Variants in DNER observed in about 807,000 individuals in gnomAD.
DNER encodes the protein delta/notch like EGF repeat containing.
DNER carries 33 observed loss-of-function variants against 78.2 expected under a neutral mutation model. The observed-to-expected ratio is 0.42, with a 90% CI of 0.32 to 0.56. The LOEUF (loss-of-function observed/expected upper bound fraction) is 0.56, where lower values mean the gene tolerates loss of function less well. DNER is among the 20% of genes least tolerant of loss of function. The pLI, the probability that DNER is intolerant of heterozygous loss-of-function variation, is 0.11. For missense variants in DNER, 918 were observed against 975.3 expected (o/e 0.94, Z 0.78); for synonymous variants, 417 against 384.8 (o/e 1.08, Z -0.98).
chr2:229,407,018 C>A (rs960134507), intron 10 of DNER, among the ~76,000 whole-genome samples: 1 of 152,154 alleles, frequency 6.6e-6, no homozygotes, highest in Admixed American at 6.5e-5. Flanking sequence ...TAAGTCTAGA[C>A]GCCAAACAAC....
intron 8 of DNER, among the ~76,000 whole-genome samples, chr2:229,427,157 T>C (rs760935804): frequency 9.9e-5 from 15 of 152,220 alleles, no homozygotes; most frequent in Non-Finnish European, 2.1e-4. Flanking sequence ...CTATTATTTA[T>C]GTTACTGAGC....
At chr2:229,504,853 A>T (rs1240857947) in intron 6 of DNER, among the ~76,000 whole-genome samples, 1 of 152,212 alleles carries the variant, frequency 6.6e-6, no homozygotes, top group Non-Finnish European at 1.5e-5. Flanking sequence ...GGCATGGACA[A>T]GACGTGTTCC....
At chr2:229,392,501 T>C (rs984777067) in intron 10 of DNER, among the ~76,000 whole-genome samples, 1 of 152,098 alleles carries the variant, frequency 6.6e-6, no homozygotes, top group African/African-American at 2.4e-5. Context: ...ATAGAACCAC[T>C]CAGAAATTGA....
chr2:229,625,830 G>C (rs1232332604), intron 1 of DNER, among the ~76,000 whole-genome samples: 1 of 152,110 alleles, frequency 6.6e-6, no homozygotes, highest in Non-Finnish European at 1.5e-5. Flanking sequence ...TGGAGGGAGA[G>C]TTGAAAGAGT....
intron 5 of DNER, among the ~76,000 whole-genome samples, chr2:229,527,358 G>C (rs1301052108): frequency 1.3e-5 from 2 of 152,106 alleles, no homozygotes; most frequent in East Asian, 3.9e-4. Flanking sequence ...ATACCTACAA[G>C]TTGCACCTGC....
chr2:229,633,159 T>C (rs1050991045), intron 1 of DNER, among the ~76,000 whole-genome samples: 3 of 152,204 alleles, frequency 2.0e-5, no homozygotes, highest in African/African-American at 7.2e-5. Flanking sequence ...AATGTCTTAA[T>C]GGTAAATTTC....
chr2:229,665,895 G>A (rs1358708424), intron 1 of DNER, among the ~76,000 whole-genome samples: 1 of 152,036 alleles, frequency 6.6e-6, no homozygotes, highest in Non-Finnish European at 1.5e-5. Flanking sequence ...AACCTCCTCT[G>A]CACTGATTTT....
intron 4 of DNER, among the ~76,000 whole-genome samples, chr2:229,556,486 C>T (rs1696858019): frequency 6.6e-6 from 1 of 152,156 alleles, no homozygotes; most frequent in East Asian, 1.9e-4. Flanking sequence ...AACCACTGGT[C>T]TGGTACAAAA....
chr2:229,600,714 A>C (rs968182219), intron 1 of DNER, among the ~76,000 whole-genome samples: 5 of 152,210 alleles, frequency 3.3e-5, no homozygotes, highest in African/African-American at 1.2e-4. Flanking sequence ...CCTTTCCTTC[A>C]CTAGAAGAAA....
intron 5 of DNER, among the ~76,000 whole-genome samples, chr2:229,526,801 G>C (rs189346792): frequency 1.3e-5 from 2 of 152,264 alleles, no homozygotes; most frequent in East Asian, 3.9e-4. Flanking sequence ...TAGAGCTTCT[G>C]TGTCCCCATC....
At chr2:229,403,384 T>C (rs1376499294) in intron 10 of DNER, among the ~76,000 whole-genome samples, 1 of 152,220 alleles carries the variant, frequency 6.6e-6, no homozygotes, top group Admixed American at 6.5e-5. Flanking sequence ...ATAAATTTAC[T>C]GTTAAGACCT....
intron 8 of DNER, among the ~76,000 whole-genome samples, chr2:229,444,353 G>GA (rs1171512970): frequency 6.6e-6 from 1 of 152,138 alleles, no homozygotes; most frequent in Non-Finnish European, 1.5e-5. Flanking sequence ...TGATAGAGGG[G>GA]AAAACTGAGT....
intron 1 of DNER, among the ~76,000 whole-genome samples, chr2:229,705,801 T>C (rs1045098923): frequency 4.6e-5 from 7 of 152,216 alleles, no homozygotes; most frequent in Admixed American, 3.3e-4. Context: ...CCAACCATCC[T>C]GTCAATGATT....
intron 1 of DNER, among the ~76,000 whole-genome samples, chr2:229,673,261 A>G (rs1412703084): frequency 6.6e-6 from 1 of 152,158 alleles, no homozygotes; most frequent in Admixed American, 6.5e-5. Context: ...ATTGGTAGGT[A>G]TTGAGATTGG....
At chr2:229,439,718 C>T (rs1309169916) in intron 8 of DNER, among the ~76,000 whole-genome samples, 1 of 152,162 alleles carries the variant, frequency 6.6e-6, no homozygotes, top group Non-Finnish European at 1.5e-5. Context: ...CCCATCTGAC[C>T]CTCCAGGGCC....
chr2:229,663,503 A>G (rs1280073998), intron 1 of DNER, among the ~76,000 whole-genome samples: 1 of 152,220 alleles, frequency 6.6e-6, no homozygotes, highest in East Asian at 1.9e-4. Context: ...TGTATGCTGC[A>G]CAGACACTCT....
chr2:229,384,332 A>G (rs1422599641), intron 11 of DNER, among the ~76,000 whole-genome samples: 2 of 152,206 alleles, frequency 1.3e-5, no homozygotes, highest in Admixed American at 1.3e-4. Flanking sequence ...TCGATACCCT[A>G]ACATCACAAT....
intron 10 of DNER, among the ~76,000 whole-genome samples, chr2:229,391,119 A>G (rs139152068): frequency 3.3e-5 from 5 of 152,312 alleles, no homozygotes; most frequent in South Asian, 2.1e-4. Context: ...TACAGTGATC[A>G]TGCTTTTTGC....
chr2:229,406,480 T>C (rs564624878), intron 10 of DNER, among the ~76,000 whole-genome samples: 6 of 152,274 alleles, frequency 3.9e-5, no homozygotes, highest in South Asian at 2.1e-4. Context: ...ACCTGTACTT[T>C]ATCTGCCTAC....
Sources: gnomAD v4.1 joint callset for allele counts (sites outside exome capture counted in the v4.1 genomes callset) on GRCh38, gnomAD v4.1.1 for gene constraint, MANE v1.5 for transcripts, NCBI Gene and HGNC (gene_info 2026-07-23, HGNC 2026-07-21) for gene names.